Variants in SIK3 observed in about 807,000 individuals in gnomAD.
The protein encoded by SIK3 is SIK family kinase 3.
SIK3 carries 28 observed loss-of-function variants against 144.2 expected under a neutral mutation model. That is an observed-to-expected ratio of 0.19 (90% CI 0.14 to 0.27). SIK3 has a LOEUF of 0.27. SIK3 is among the 10% of genes least tolerant of loss of function. SIK3 has a pLI of 1.00. For missense variants in SIK3, 1,319 were observed against 1,776.0 expected (o/e 0.74, Z 4.62); for synonymous variants, 686 against 676.3 (o/e 1.01, Z -0.22).
chr11:116,999,726 A>C (rs1462599757), intron 1 of SIK3, among the ~76,000 whole-genome samples: 1 of 152,066 alleles, frequency 6.6e-6, no homozygotes, highest in Non-Finnish European at 1.5e-5. Context: ...CACCCAGCCC[A>C]TTTTCATTTG....
intron 1 of SIK3, among the ~76,000 whole-genome samples, chr11:117,022,838 A>ACAGCTACTTACTGT: frequency 2.0e-5 from 3 of 151,746 alleles, no homozygotes; most frequent in Admixed American, 6.6e-5. Flanking sequence ...AGAAGTTAAA[A>ACAGCTACTTACTGT]AAAAAAAAAA....
intron 13 of SIK3, among the ~76,000 whole-genome samples, chr11:116,872,493 A>G (rs1310676321): frequency 2.0e-5 from 3 of 152,262 alleles, no homozygotes; most frequent in Non-Finnish European, 4.4e-5. Flanking sequence ...GCTATGATAT[A>G]TAATTCTTTC....
At chr11:117,033,729 G>A (rs1445699398) in intron 1 of SIK3, among the ~76,000 whole-genome samples, 40 of 132,422 alleles carry the variant, frequency 3.0e-4, no homozygotes, top group South Asian at 4.9e-4. Context: ...AAAAAAGAAA[G>A]AAAAGAAAAG....
At chr11:116,863,376 G>T (rs1032338581) in intron 16 of SIK3, among the ~76,000 whole-genome samples, 1 of 152,082 alleles carries the variant, frequency 6.6e-6, no homozygotes, top group African/African-American at 2.4e-5. Context: ...TCAGCCTCAG[G>T]AGTAGCTGGG....
chr11:117,017,648 A>C (rs758356256), intron 1 of SIK3, among the ~76,000 whole-genome samples: 6 of 152,182 alleles, frequency 3.9e-5, no homozygotes, highest in Non-Finnish European at 7.4e-5. Context: ...TTAGGTCATC[A>C]TTCTAGTAGA....
intron 1 of SIK3, among the ~76,000 whole-genome samples, chr11:117,037,016 A>G (rs1952534858): frequency 1.3e-5 from 2 of 152,188 alleles, no homozygotes; most frequent in African/African-American, 4.8e-5. Flanking sequence ...ACTACTATAT[A>G]TCATTTGTTT....
At chr11:117,080,817 G>A (rs10892070) in intron 1 of SIK3, among the ~76,000 whole-genome samples, 44,308 of 151,636 alleles carry the variant, frequency 0.29, 7,986 homozygotes, top group Non-Finnish European at 0.41. Flanking sequence ...GTGTGGTGGC[G>A]CGCACCTGTA....
chr11:117,023,609 C>CAAAAA (rs71469123), intron 1 of SIK3, among the ~76,000 whole-genome samples: 24 of 51,980 alleles, frequency 4.6e-4, no homozygotes, highest in African/African-American at 1.3e-3. Flanking sequence ...AACAAACAAA[C>CAAAAA]AAAAAAAAAA....
chr11:116,876,759 A>G (rs1036697277), intron 7 of SIK3, among the ~76,000 whole-genome samples, 165 bp downstream of exon 7: 1 of 152,230 alleles, frequency 6.6e-6, no homozygotes, highest in Non-Finnish European at 1.5e-5. Context: ...CAGCAGTTTA[A>G]CTGGTTTTAC....
At chr11:116,997,538 T>C (rs923167696) in intron 1 of SIK3, among the ~76,000 whole-genome samples, 2 of 152,204 alleles carry the variant, frequency 1.3e-5, no homozygotes, top group Admixed American at 6.5e-5. Flanking sequence ...GAATAAAATA[T>C]ACACTATTAA....
At chr11:116,964,712 C>A (rs1949462944) in intron 1 of SIK3, among the ~76,000 whole-genome samples, 1 of 152,010 alleles carries the variant, frequency 6.6e-6, no homozygotes, top group African/African-American at 2.4e-5. Context: ...GAAACCCCAC[C>A]TCTACTAAAA....
chr11:116,928,949 T>C (rs1004551813), intron 3 of SIK3, among the ~76,000 whole-genome samples: 1 of 152,168 alleles, frequency 6.6e-6, no homozygotes, highest in African/African-American at 2.4e-5. Context: ...AAATAAGAAG[T>C]CTTCCACTTA....
chr11:116,911,025 C>A (rs576419869), intron 4 of SIK3, among the ~76,000 whole-genome samples: 4 of 152,290 alleles, frequency 2.6e-5, no homozygotes, highest in African/African-American at 9.6e-5. Context: ...GTTCCAGCTA[C>A]TTGGGAGGCT....
At chr11:117,050,901 C>T (rs1953208661) in intron 1 of SIK3, among the ~76,000 whole-genome samples, 1 of 151,920 alleles carries the variant, frequency 6.6e-6, no homozygotes, top group Non-Finnish European at 1.5e-5. Context: ...AAAAGGTAAC[C>T]AGAGTCAGAC....
chr11:116,975,624 T>G (rs971963589), intron 1 of SIK3, among the ~76,000 whole-genome samples: 10 of 152,240 alleles, frequency 6.6e-5, no homozygotes, highest in Non-Finnish European at 1.5e-4. Flanking sequence ...GATGGACATT[T>G]TGGTTGTTCT....
rs1943384892 is a variant in SIK3 at position 116,862,332 on chromosome 11, A to G, written c.2104-5T>C. ...CTTCTGCAGCTGCTCACACTCCTGA[A>G]GGGAAAGTAGTTAATACAGATGGGA... On this transcript the variant is annotated splice_region_variant and splice_polypyrimidine_tract_variant and intron_variant, in intron 16 of 24. Coordinates refer to ENST00000445177, the MANE Select transcript of SIK3 (RefSeq NM_001366686.3). 1 of 1,614,016 alleles carries G rather than the reference A, an allele frequency of 6.2e-7. No individual in the cohort carries two copies. Among genetic ancestry groups the G allele is most frequent in the African/African-American group, 1.3e-5 (1 of 74,916 alleles).
Position 117,056,388 on chromosome 11 carries a change from G to GT in SIK3, c.273+41754dup, listed in dbSNP as rs200918079. On this transcript the variant is annotated intron_variant, in intron 1 of 24. Coordinates refer to ENST00000445177, the MANE Select transcript of SIK3 (RefSeq NM_001366686.3). ...TGGGGCCTGTTGTGAGGTGGAGGGA[G>GT]TGGGGAGGGATAGCATTAGGAGATA... Among the ~76,000 whole-genome samples the GT allele has an allele frequency of 5.6e-3, 845 of 152,204 alleles. 19 individuals are homozygous for GT. Among genetic ancestry groups the GT allele is most frequent in the Non-Finnish European group, 2.8e-3 (188 of 68,028 alleles).
At chr11:116,985,620 T>C (rs1950301622) in intron 1 of SIK3, among the ~76,000 whole-genome samples, 1 of 152,196 alleles carries the variant, frequency 6.6e-6, no homozygotes. Context: ...AACCTTCATG[T>C]ATGTCAAATA....
intron 1 of SIK3, among the ~76,000 whole-genome samples, chr11:117,073,669 C>G (rs1365785475): frequency 6.6e-6 from 1 of 152,214 alleles, no homozygotes; most frequent in Non-Finnish European, 1.5e-5. Context: ...GACCTACACA[C>G]AGGTTTCCAA....
Sources: gnomAD v4.1 joint callset for allele counts (sites outside exome capture counted in the v4.1 genomes callset) on GRCh38, gnomAD v4.1.1 for gene constraint, MANE v1.5 for transcripts, NCBI Gene and HGNC (gene_info 2026-07-23, HGNC 2026-07-21) for gene names.